The following ARMH4 variants were observed in gnomAD, a reference collection of about 807,000 sequenced individuals.
The protein encoded by ARMH4 is armadillo-like helical domain-containing protein 4.
Under a neutral mutation model 61.9 loss-of-function variants are expected in ARMH4, and 49 were observed. The observed-to-expected ratio is 0.79, with a 90% CI of 0.63 to 1.00. The LOEUF is 1.00. Among genes scored for constraint, ARMH4 ranks in the 50% least tolerant of loss-of-function variants. The pLI is 0.00. For missense variants in ARMH4, 934 were observed against 930.0 expected (o/e 1.00, Z -0.06); for synonymous variants, 368 against 341.5 (o/e 1.08, Z -0.85).
At chr14:58,097,724 G>C (rs890449016) in intron 4 of ARMH4, among the ~76,000 whole-genome samples, 2 of 144,394 alleles carry the variant, frequency 1.4e-5, no homozygotes, top group Non-Finnish European at 3.0e-5. Context: ...ATTTATTTTT[G>C]AGACGGAGTC....
At chr14:58,018,292 A>G (rs988384319) in intron 5 of ARMH4, among the ~76,000 whole-genome samples, 10 of 152,146 alleles carry the variant, frequency 6.6e-5, no homozygotes, top group African/African-American at 2.4e-4. Flanking sequence ...TCAAACTAAA[A>G]AGCTTCCATA....
intron 5 of ARMH4, among the ~76,000 whole-genome samples, chr14:58,025,482 T>C (rs1425601890): frequency 1.3e-5 from 2 of 152,150 alleles, no homozygotes; most frequent in Non-Finnish European, 1.5e-5. Flanking sequence ...ATGCTCCATC[T>C]AAATAAATGA....
chr14:58,010,893 G>A (rs1882385312), intron 6 of ARMH4, among the ~76,000 whole-genome samples: 1 of 151,124 alleles, frequency 6.6e-6, no homozygotes, highest in Admixed American at 6.6e-5. Context: ...TGGAAACAAT[G>A]ATATATGAAT....
intron 5 of ARMH4, among the ~76,000 whole-genome samples, chr14:58,020,797 T>C (rs1882797220): frequency 6.6e-6 from 1 of 152,156 alleles, no homozygotes; most frequent in African/African-American, 2.4e-5. Context: ...GAATGAGCAA[T>C]GCTGAAGAGA....
At chr14:58,120,172 C>G (rs1331403690) in intron 4 of ARMH4, among the ~76,000 whole-genome samples, 1 of 151,984 alleles carries the variant, frequency 6.6e-6, no homozygotes. Context: ...ATACTGTAGG[C>G]AACTGTAACA....
chr14:58,123,188 C>T (rs781543794), intron 4 of ARMH4, among the ~76,000 whole-genome samples: 15 of 152,152 alleles, frequency 9.9e-5, no homozygotes, highest in East Asian at 1.9e-4. Context: ...TAGGGAGAGA[C>T]ATTCTAGCAA....
intron 3 of ARMH4, among the ~76,000 whole-genome samples, chr14:58,132,664 C>G (rs1282862439): frequency 6.7e-6 from 1 of 150,350 alleles, no homozygotes; most frequent in Non-Finnish European, 1.5e-5. Flanking sequence ...CCGCTCCCTG[C>G]AAGCTCCGCC....
chr14:58,032,964 G>A (rs1210760703), intron 5 of ARMH4, among the ~76,000 whole-genome samples: 12 of 147,156 alleles, frequency 8.2e-5, no homozygotes, highest in Admixed American at 1.4e-4. Flanking sequence ...AGGCGGCAAC[G>A]AGGCTGGGGG....
intron 4 of ARMH4, among the ~76,000 whole-genome samples, chr14:58,124,925 TA>T (rs1157853411): frequency 1.3e-5 from 2 of 152,110 alleles, no homozygotes; most frequent in Non-Finnish European, 2.9e-5. Flanking sequence ...GGTAAATATA[TA>T]TACAGACTCT....
chr14:58,109,629 A>G (rs914124277), intron 4 of ARMH4, among the ~76,000 whole-genome samples: 6 of 152,172 alleles, frequency 3.9e-5, no homozygotes, highest in Non-Finnish European at 7.3e-5. Context: ...TTCTTGGCCT[A>G]TTGCTCTTCC....
intron 4 of ARMH4, among the ~76,000 whole-genome samples, chr14:58,110,575 C>T (rs1886323021): frequency 6.6e-6 from 1 of 152,110 alleles, no homozygotes; most frequent in South Asian, 2.1e-4. Context: ...ATAATTTCTT[C>T]TTTGATCCAC....
intron 4 of ARMH4, among the ~76,000 whole-genome samples, chr14:58,110,512 A>G (rs1594762793): frequency 6.6e-6 from 1 of 152,150 alleles, no homozygotes; most frequent in Non-Finnish European, 1.5e-5. Flanking sequence ...TCTTCACCCC[A>G]CAAGTCTGAT....
At chr14:58,005,021 T>C (rs1882108969) in intron 7 of ARMH4, 27 bp downstream of exon 7, 2 of 1,613,534 alleles carry the variant, frequency 1.2e-6, no homozygotes, top group Non-Finnish European at 1.7e-6. Flanking sequence ...TGAAACTGAT[T>C]AGGTTTTGCT....
chr14:58,057,895 G>A (rs887861207), intron 5 of ARMH4, among the ~76,000 whole-genome samples: 14 of 152,116 alleles, frequency 9.2e-5, no homozygotes, highest in Admixed American at 7.9e-4. Context: ...TAGAGAGATA[G>A]GTTAGTAAAC....
intron 3 of ARMH4, among the ~76,000 whole-genome samples, chr14:58,132,102 T>C (rs1010887015): frequency 6.6e-6 from 1 of 152,182 alleles, no homozygotes; most frequent in Non-Finnish European, 1.5e-5. Context: ...ATCGAGTGTC[T>C]TTCTCAAAAT....
At chr14:58,048,705 G>A (rs1884021521) in intron 5 of ARMH4, among the ~76,000 whole-genome samples, 2 of 152,206 alleles carry the variant, frequency 1.3e-5, no homozygotes, top group Admixed American at 6.5e-5. Flanking sequence ...GTGAGTATAA[G>A]CAAGGGGCAA....
intron 1 of ARMH4, chr14:58,141,443 C>T: frequency 1.9e-6 from 1 of 540,358 alleles, no homozygotes; most frequent in Non-Finnish European, 3.7e-6. Flanking sequence ...GATGGCCACA[C>T]TCTCTCAGGC....
At chr14:58,047,821 A>T (rs1273576739) in intron 5 of ARMH4, among the ~76,000 whole-genome samples, 2 of 152,176 alleles carry the variant, frequency 1.3e-5, no homozygotes, top group African/African-American at 4.8e-5. Flanking sequence ...TAGGAAAAAA[A>T]GCCTTAGGGA....
intron 5 of ARMH4, among the ~76,000 whole-genome samples, chr14:58,016,847 A>G (rs1340644772): frequency 6.6e-6 from 1 of 152,204 alleles, no homozygotes; most frequent in Non-Finnish European, 1.5e-5. Context: ...TAAAGGTCAT[A>G]TATGACAAGC....
Sources: allele counts gnomAD v4.1 joint callset (sites outside exome capture counted in the v4.1 genomes callset), GRCh38; gene constraint gnomAD v4.1.1; transcripts MANE v1.5; gene names NCBI Gene and HGNC (gene_info 2026-07-23, HGNC 2026-07-21).